Variants in ATF6 observed in about 807,000 individuals in gnomAD.
ATF6 encodes cyclic AMP-dependent transcription factor ATF-6 alpha.
A neutral mutation model predicts 83.6 loss-of-function variants in ATF6; 53 were observed. The ratio of observed to expected loss-of-function variants is 0.63; its 90% CI spans 0.51 to 0.80. ATF6 has a LOEUF of 0.80. Ranked by LOEUF, ATF6 falls within the 30% of genes least tolerant of loss-of-function variation. The pLI is 0.00. For synonymous variants in ATF6, 288 were observed against 285.8 expected, an observed-to-expected ratio of 1.01 and a Z score of -0.08; for missense variants, 744 against 797.9, an observed-to-expected ratio of 0.93 and a Z score of 0.81.
chr1:161,916,511 T>C (rs1266549206), intron 15 of ATF6, among the ~76,000 whole-genome samples: 1 of 152,112 alleles, frequency 6.6e-6, no homozygotes, highest in Non-Finnish European at 1.5e-5. Context: ...ATAACCACAA[T>C]AAAATGATGA....
chr1:161,914,477 G>A (rs553664296), intron 15 of ATF6, among the ~76,000 whole-genome samples: 19 of 152,216 alleles, frequency 1.2e-4, no homozygotes, highest in East Asian at 1.9e-4. Context: ...TTCAGCATCC[G>A]CATAGAGGAG....
rs188961614 is a variant in ATF6 at position 161,829,051 on chromosome 1, G to A, written c.1187+7890G>A. Among the ~76,000 whole-genome samples, 191 of 152,164 alleles carry A rather than the reference G, an allele frequency of 1.3e-3. 1 individual carries two copies. The highest frequency in any genetic ancestry group is 2.3e-3 in the Non-Finnish European group (157 of 68,006). ...GAGACAAAGAAGGCCATTACATAAT[G>A]GTAAGGGGATCAATTCAACAAGAAG... On this transcript the variant is annotated intron_variant, in intron 9 of 15. Coordinates refer to ENST00000367942, the MANE Select transcript of ATF6 (RefSeq NM_007348.4).
At chr1:161,946,384 G>A (rs1170490900) in intron 15 of ATF6, among the ~76,000 whole-genome samples, 1 of 152,184 alleles carries the variant, frequency 6.6e-6, no homozygotes, top group Non-Finnish European at 1.5e-5. Context: ...ACACTCCAGC[G>A]ATACAACTAT....
chr1:161,848,304 A>G (rs887679384), intron 10 of ATF6, among the ~76,000 whole-genome samples: 3 of 152,094 alleles, frequency 2.0e-5, no homozygotes, highest in African/African-American at 7.2e-5. Context: ...GAAAGCACCT[A>G]ATATTACTTT....
At chr1:161,783,069 G>A (rs1684672973) in intron 3 of ATF6, among the ~76,000 whole-genome samples, 1 of 152,168 alleles carries the variant, frequency 6.6e-6, no homozygotes. Flanking sequence ...ACTAAATGGA[G>A]TGCCTGCATA....
intron 12 of ATF6, among the ~76,000 whole-genome samples, chr1:161,856,862 T>C (rs1686777595): frequency 6.6e-6 from 1 of 152,334 alleles, no homozygotes; most frequent in African/African-American, 2.4e-5. Context: ...AAGAATTTTG[T>C]TTTAATTTTA....
chr1:161,881,738 T>A (rs975150049), intron 14 of ATF6, among the ~76,000 whole-genome samples: 3 of 152,168 alleles, frequency 2.0e-5, no homozygotes, highest in African/African-American at 7.2e-5. Context: ...TGTATTTAAA[T>A]TTCCTTTTTA....
At chr1:161,887,988 A>G (rs1028101644) in intron 14 of ATF6, among the ~76,000 whole-genome samples, 6 of 152,244 alleles carry the variant, frequency 3.9e-5, no homozygotes, top group African/African-American at 1.4e-4. Context: ...TAACTTTTTA[A>G]AAAACAACTG....
intron 12 of ATF6, among the ~76,000 whole-genome samples, chr1:161,855,180 T>C (rs997627245): frequency 3.3e-5 from 5 of 152,060 alleles, no homozygotes; most frequent in African/African-American, 4.8e-5. Flanking sequence ...AAGTGGACCA[T>C]GGTGGGGAGT....
intron 1 of ATF6, among the ~76,000 whole-genome samples, chr1:161,769,048 A>T (rs142142833): frequency 6.6e-6 from 1 of 152,170 alleles, no homozygotes; most frequent in African/African-American, 2.4e-5. Context: ...TTAGAGCAAG[A>T]GTCTTCAAAC....
At chr1:161,803,848 T>G (rs1571145040) in intron 7 of ATF6, among the ~76,000 whole-genome samples, 1 of 152,228 alleles carries the variant, frequency 6.6e-6, no homozygotes, top group Non-Finnish European at 1.5e-5. Context: ...TTCTTTTTTT[T>G]TGTTTTATTA....
intron 15 of ATF6, among the ~76,000 whole-genome samples, chr1:161,923,353 G>C (rs569124698): frequency 6.6e-5 from 10 of 152,186 alleles, no homozygotes; most frequent in African/African-American, 2.4e-4. Context: ...AAAAATAGCT[G>C]TTCTATAGCT....
intron 15 of ATF6, among the ~76,000 whole-genome samples, chr1:161,956,944 CTT>C (rs1224881106): frequency 2.6e-5 from 4 of 152,096 alleles, no homozygotes; most frequent in Non-Finnish European, 5.9e-5. Flanking sequence ...ACACACAAAA[CTT>C]TGCGTATGAT....
At chr1:161,821,021 C>A in intron 8 of ATF6, 49 bp from the exon 9 acceptor site, 1 of 1,348,378 alleles carries the variant, frequency 7.4e-7, no homozygotes, top group South Asian at 1.3e-5. Context: ...GTTGCTTTTT[C>A]TGAAATCGAT....
At chr1:161,924,253 C>G (rs1044133524) in intron 15 of ATF6, among the ~76,000 whole-genome samples, 91 of 152,106 alleles carry the variant, frequency 6.0e-4, no homozygotes, top group African/African-American at 2.1e-3. Flanking sequence ...ATGATACTTT[C>G]TTTGTTATTT....
At chr1:161,880,913 C>A (rs1293797266) in intron 14 of ATF6, among the ~76,000 whole-genome samples, 1 of 152,128 alleles carries the variant, frequency 6.6e-6, no homozygotes, top group Non-Finnish European at 1.5e-5. Context: ...ACACTTGATA[C>A]AGCCTATCTT....
At chr1:161,808,185 G>A (rs143681602) in intron 7 of ATF6, among the ~76,000 whole-genome samples, 393 of 151,906 alleles carry the variant, frequency 2.6e-3, no homozygotes, top group Middle Eastern at 0.01. Flanking sequence ...CAGCAGTTTG[G>A]CATCTTTATA....
chr1:161,901,966 A>G lies in ATF6; in HGVS notation c.1720-10330A>G, dbSNP rs572041317. Among the ~76,000 whole-genome samples the G allele has an allele frequency of 5.2e-4, 79 of 152,330 alleles. 1 individual carries two copies. The South Asian group carries it at 0.015, about 30-fold the overall frequency. ...TCTAAATATGAACATATTTCATTATACAATGTCAAAAAATCACATTCATTA... is the reference window on the plus strand; with the variant it reads ...TCTAAATATGAACATATTTCATTATGCAATGTCAAAAAATCACATTCATTA... On this transcript the variant is annotated intron_variant, in intron 14 of 15. Transcript: ENST00000367942.
At chr1:161,831,857 ATG>A (rs1686069308) in intron 9 of ATF6, among the ~76,000 whole-genome samples, 1 of 151,952 alleles carries the variant, frequency 6.6e-6, no homozygotes, top group African/African-American at 2.4e-5. Flanking sequence ...TGGCGAGTTA[ATG>A]GGTGCAGCAC....
Sources: gnomAD v4.1 joint callset for allele counts (sites outside exome capture counted in the v4.1 genomes callset) on GRCh38, gnomAD v4.1.1 for gene constraint, MANE v1.5 for transcripts, NCBI Gene and HGNC (gene_info 2026-07-23, HGNC 2026-07-21) for gene names.